The following PTPRF variants were observed in gnomAD, a reference collection of about 807,000 sequenced individuals.
PTPRF encodes receptor-type tyrosine-protein phosphatase F.
A neutral mutation model predicts 201.8 loss-of-function variants in PTPRF; 59 were observed. The ratio of observed to expected loss-of-function variants is 0.29; its 90% CI spans 0.24 to 0.36. The LOEUF is 0.36. PTPRF is among the 10% of genes least tolerant of loss of function. PTPRF has a pLI of 1.00. For synonymous variants in PTPRF, 1,088 were observed against 1,089.7 expected (o/e 1.00, Z 0.03); for missense variants, 2,132 against 2,690.5 (o/e 0.79, Z 4.59).
chr1:43,579,500 G>C, intron 7 of PTPRF: 1 of 335,124 alleles, frequency 3.0e-6, no homozygotes, highest in Non-Finnish European at 5.8e-6. Context: ...TGTTGCCTCG[G>C]GTGAGCACCT....
At position 43,618,762 on chromosome 1, in the gene PTPRF, C is replaced by T; in HGVS notation, c.4491+13C>T. ...CGCACTCCACAAGGTATAGCCTTTC[C>T]CCAGTGCATATCTCTTACCCAGACA... On this transcript the variant is annotated intron_variant, in intron 26 of 33. Coordinates refer to ENST00000359947, the MANE Select transcript of PTPRF (RefSeq NM_002840.5). 1 of 1,592,056 alleles carries T rather than the reference C, an allele frequency of 6.3e-7. No homozygotes were observed. Among genetic ancestry groups the T allele is most frequent in the Non-Finnish European group, 8.6e-7 (1 of 1,162,058 alleles).
At chr1:43,573,070 G>A (rs1186694222) in intron 6 of PTPRF, among the ~76,000 whole-genome samples, 10 of 152,112 alleles carry the variant, frequency 6.6e-5, no homozygotes, top group African/African-American at 1.9e-4. Context: ...GGTAGCTGAC[G>A]GCATGCGCTG....
chr1:43,531,629 G>GC (rs1643537325), intron 1 of PTPRF, among the ~76,000 whole-genome samples: 1 of 149,620 alleles, frequency 6.7e-6, no homozygotes, highest in South Asian at 2.1e-4. Context: ...CGGCCCCGGC[G>GC]CACGTGCGGT....
At chr1:43,527,269 G>C (rs533560089), upstream of PTPRF, among the ~76,000 whole-genome samples, 2 of 152,120 alleles carry the variant, frequency 1.3e-5, no homozygotes, top group Non-Finnish European at 2.9e-5. Flanking sequence ...ATCCCTCCCC[G>C]CCAGGCCCAG....
At chr1:43,547,743 C>T (rs1393051209) in intron 3 of PTPRF, among the ~76,000 whole-genome samples, 1 of 152,228 alleles carries the variant, frequency 6.6e-6, no homozygotes, top group Non-Finnish European at 1.5e-5. Context: ...GGTGGAGAAG[C>T]AGCTGCCAAG....
rs1486175312 is a variant in PTPRF, at chr1:43,553,771, G to T, written c.238-29G>T. On this transcript the variant is annotated intron_variant, in intron 4 of 33. Transcript: ENST00000359947. The surrounding 1 kb of genome is among the most constrained non-coding windows in gnomAD (Gnocchi z 4.1). ...GAGCAGGCTCCTGTGTCCTGAGTAG[G>T]CTGTGACCCCATGTCTGTCCTCTGA... 1 of 1,613,910 alleles carries T rather than the reference G, an allele frequency of 6.2e-7. No homozygotes were observed. Among genetic ancestry groups the T allele is most frequent in the Non-Finnish European group, 8.5e-7 (1 of 1,179,920 alleles).
chr1:43,560,396 G>A (rs554147922), intron 5 of PTPRF, among the ~76,000 whole-genome samples: 1 of 151,724 alleles, frequency 6.6e-6, no homozygotes, highest in East Asian at 1.9e-4. Flanking sequence ...GTCAGACAAT[G>A]CATGTGCATG....
intron 11 of PTPRF, 43 bp downstream of exon 11, chr1:43,592,644 GACACACACAC>G: frequency 6.5e-7 from 1 of 1,528,196 alleles, no homozygotes; most frequent in Non-Finnish European, 8.8e-7. Context: ...CCTGGGCTGG[GACACACACAC>G]ACACATGCAC....
At chr1:43,618,956 T>C (rs1658516391) in intron 26 of PTPRF, 92 bp from the exon 27 acceptor site, 1 of 1,452,366 alleles carries the variant, frequency 6.9e-7, no homozygotes, top group African/African-American at 1.4e-5. Context: ...CATGGGGAAG[T>C]GGCGGGTATG....
In PTPRF at chr1:43,591,502, G is replaced by A. The variant is rs760647060; in HGVS notation, c.1480G>A (p.Val494Met). Residue 494 changes from valine to methionine, a missense_variant, in exon 9 of 34, where the codon GTG (valine) becomes ATG (methionine). Transcript: ENST00000359947. Reference protein sequence around the residue: ...YSLRVLAFTAVGDGPPSPTIQ... With the variant: ...YSLRVLAFTAMGDGPPSPTIQ... ...CCTGCGCGTGCTTGCCTTCACCGCC[G>A]TGGGCGATGGCCCTCCCAGCCCCAC... 5.0e-5 allele frequency: 80 copies of A among 1,600,776 alleles called. No individual in the cohort carries two copies. Among genetic ancestry groups the A allele is most frequent in the Non-Finnish European group, 6.5e-5 (76 of 1,176,320 alleles).
In PTPRF at chr1:43,588,252, CTCTGGACTGGCCT is replaced by C. The variant is rs1649685872; in HGVS notation, c.680-474_680-462del. Among the ~76,000 whole-genome samples the C allele has an allele frequency of 1.3e-5, 2 of 152,168 alleles. No individual in the cohort carries two copies. Among genetic ancestry groups the C allele is most frequent in the Admixed American group, 1.3e-4 (2 of 15,284 alleles). On this transcript the variant is annotated intron_variant, in intron 7 of 33. Transcript: ENST00000359947. The surrounding 1 kb of genome is among the most constrained non-coding windows in gnomAD (Gnocchi z 5.3). ...GACTCCACGGCAGGTGGCTGTGTCC[CTCTGGACTGGCCT>C]TCTGCTCTGCCCAGCCATGCTCTGA...
At chr1:43,544,981 G>C in intron 2 of PTPRF, 50 bp from the exon 3 acceptor site, 2 of 1,107,514 alleles carry the variant, frequency 1.8e-6, no homozygotes, top group Non-Finnish European at 2.6e-6. Context: ...TGGGCATTAG[G>C]GACAGCAGTA....
At chr1:43,557,633 A>C (rs1202744287) in intron 5 of PTPRF, among the ~76,000 whole-genome samples, 1 of 87,480 alleles carries the variant, frequency 1.1e-5, no homozygotes, top group Admixed American at 1.7e-4. Flanking sequence ...TCCATCTCAA[A>C]AAAAAAAAAA....
chr1:43,583,657 C>T (rs1013563176), intron 7 of PTPRF, among the ~76,000 whole-genome samples: 15 of 152,146 alleles, frequency 9.9e-5, no homozygotes, highest in South Asian at 4.1e-4. Flanking sequence ...CCCTCAGGTC[C>T]CCCACCAGGG....
chr1:43,531,469 C>T (rs1040866424), intron 1 of PTPRF, among the ~76,000 whole-genome samples: 9 of 147,396 alleles, frequency 6.1e-5, no homozygotes, highest in South Asian at 2.1e-4. Context: ...CCTCGTCCCC[C>T]CTTCTAGCGC....
chr1:43,598,209 A>G (rs946331506), intron 12 of PTPRF, 156 bp downstream of exon 12: 1 of 785,592 alleles, frequency 1.3e-6, no homozygotes, highest in Non-Finnish European at 1.9e-6. Flanking sequence ...CACTTACGGG[A>G]TAACTGAGGC....
rs760791416 is a variant in PTPRF at position 43,620,622 on chromosome 1, C to G, written c.5364+43C>G. On this transcript the variant is annotated intron_variant, in intron 31 of 33. Transcript: ENST00000359947. ...GTGTGTCCATAACGCTGCCTGTCCACACGCTGGGTGGATGGCTGCCTGCAT... is the reference window on the plus strand; with the variant it reads ...GTGTGTCCATAACGCTGCCTGTCCAGACGCTGGGTGGATGGCTGCCTGCAT... The G allele has an allele frequency of 5.0e-6, 8 of 1,599,548 alleles. No individual in the cohort carries two copies. The Admixed American group carries it at 1.0e-4, about 20-fold the overall frequency.
intron 2 of PTPRF, among the ~76,000 whole-genome samples, chr1:43,543,005 T>C (rs1315461283): frequency 1.3e-5 from 2 of 152,180 alleles, no homozygotes; most frequent in Admixed American, 6.5e-5. Flanking sequence ...CCTCTGTGAC[T>C]ATTATATTGT....
At chr1:43,549,129 C>T (rs1222313974) in intron 3 of PTPRF, among the ~76,000 whole-genome samples, 1 of 152,196 alleles carries the variant, frequency 6.6e-6, no homozygotes, top group African/African-American at 2.4e-5. Flanking sequence ...GGGGCACGCT[C>T]TCGTGGGGTG....
Sources: gnomAD v4.1 joint callset for allele counts (sites outside exome capture counted in the v4.1 genomes callset) on GRCh38, gnomAD v4.1.1 for gene constraint, Gnocchi (gnomAD v3.1) non-coding constraint, MANE v1.5 for transcripts, NCBI Gene and HGNC (gene_info 2026-07-23, HGNC 2026-07-21) for gene names.